Variants in KIRREL1 observed in about 807,000 individuals in gnomAD.
KIRREL1 encodes kin of IRRE-like protein 1.
In KIRREL1, 25 loss-of-function variants were observed where a neutral mutation model predicts 83.3. The observed-to-expected ratio is 0.30, with a 90% CI of 0.22 to 0.42. The LOEUF (loss-of-function observed/expected upper bound fraction) is 0.42. KIRREL1 is among the 10% of genes least tolerant of loss of function. The pLI, the probability that KIRREL1 is intolerant of heterozygous loss-of-function variation, is 1.00. For synonymous variants in KIRREL1, 388 were observed against 410.4 expected, an observed-to-expected ratio of 0.95 and a Z score of 0.66; for missense variants, 812 against 1,032.3, an observed-to-expected ratio of 0.79 and a Z score of 2.92.
At chr1:157,994,363 C>T (rs143417426) in intron 1 of KIRREL1, among the ~76,000 whole-genome samples, 2,434 of 146,712 alleles carry the variant, frequency 0.017, 68 homozygotes, top group African/African-American at 0.059. Context: ...GTTCCACATA[C>T]AGCTTCAGGC....
At position 158,097,020 on chromosome 1, in the gene KIRREL1, G is replaced by A. The variant is rs140868501; in HGVS notation, c.*1900G>A. ...GGAAGGACCAGATAATACCCAGGAA[G>A]CAAGTAGCTCTAATTTTAACTTCAC... is the stretch of plus-strand genomic sequence containing the variant. On this transcript the variant is annotated 3_prime_UTR_variant, in exon 15 of 15. Transcript: ENST00000359209. The A allele has an allele frequency of 1.5e-4, 70 of 456,942 alleles. No individual in the cohort carries two copies. The Admixed American group carries it at 1.6e-3, about 11-fold the overall frequency. The allele number at this position is 456,942 out of a possible 1,614,324, so 28.3% of individuals were successfully genotyped here. A position where few individuals can be genotyped will look rare whatever the true frequency, so the allele number is the denominator to read the frequency against.
At chr1:158,047,800 C>G (rs1660814612) in intron 1 of KIRREL1, among the ~76,000 whole-genome samples, 1 of 152,184 alleles carries the variant, frequency 6.6e-6, no homozygotes, top group African/African-American at 2.4e-5. Context: ...GAAATGCTGA[C>G]TATAATTTGC....
intron 1 of KIRREL1, among the ~76,000 whole-genome samples, chr1:158,004,227 A>G (rs1216607055): frequency 1.3e-5 from 2 of 152,258 alleles, no homozygotes; most frequent in African/African-American, 4.8e-5. Flanking sequence ...CTGAAATACA[A>G]TAAGTACTCA....
At chr1:158,015,380 G>T (rs1659801407) in intron 1 of KIRREL1, among the ~76,000 whole-genome samples, 2 of 152,166 alleles carry the variant, frequency 1.3e-5, no homozygotes, top group Non-Finnish European at 2.9e-5. Flanking sequence ...CCTTCCTGCA[G>T]ATACTCTCAA....
intron 4 of KIRREL1, among the ~76,000 whole-genome samples, 173 bp from the exon 5 acceptor site, chr1:158,086,423 A>AACACAC (rs61585802): frequency 0.026 from 3,876 of 148,326 alleles, 83 homozygotes; most frequent in African/African-American, 0.059. Context: ...CTATTGATTA[A>AACACAC]ACACACACAC....
chr1:158,084,422 TC>T lies in KIRREL1; in HGVS notation c.359del (p.Pro120GlnfsTer11). On this transcript the variant is annotated frameshift_variant and splice_region_variant, in exon 4 of 15. Transcript: ENST00000359209. LOFTEE classifies it high-confidence loss of function. Reference sequence around the variant, plus strand: ...GACTTTGCTCTGCTTTCTCCCACAGTCCCCCCAGAGGACACCAGGATTGACG... The same window carrying T: ...GACTTTGCTCTGCTTTCTCCCACAGTCCCCCAGAGGACACCAGGATTGACG... ...RSRRAKLTVL[I>X]PPEDTRIDGG... is the part of the protein sequence containing the mutation. 1 of 1,548,554 alleles carries T rather than the reference TC, an allele frequency of 6.5e-7. No individual in the cohort carries two copies. Among genetic ancestry groups the T allele is most frequent in the Non-Finnish European group, 8.7e-7 (1 of 1,145,290 alleles).
At chr1:158,015,334 C>G (rs1444411499) in intron 1 of KIRREL1, among the ~76,000 whole-genome samples, 1 of 152,178 alleles carries the variant, frequency 6.6e-6, no homozygotes, top group Non-Finnish European at 1.5e-5. Flanking sequence ...GCAGCACTCC[C>G]TCGCTCCTGC....
chr1:158,026,514 G>T (rs1350652728), intron 1 of KIRREL1, among the ~76,000 whole-genome samples: 1 of 152,148 alleles, frequency 6.6e-6, no homozygotes, highest in East Asian at 1.9e-4. Context: ...AAACAACATG[G>T]TTTTGAAGGG....
intron 1 of KIRREL1, among the ~76,000 whole-genome samples, chr1:158,010,606 G>A (rs1365392720): frequency 6.6e-6 from 1 of 152,164 alleles, no homozygotes; most frequent in Non-Finnish European, 1.5e-5. Context: ...CTATGAAAAG[G>A]TTTTGCTGAA....
chr1:157,996,850 C>A (rs1659219554), intron 1 of KIRREL1, among the ~76,000 whole-genome samples: 1 of 152,162 alleles, frequency 6.6e-6, no homozygotes, highest in Admixed American at 6.5e-5. Context: ...GGGTGTGAAC[C>A]AAGTACTCAG....
At chr1:158,008,935 A>G (rs563250982) in intron 1 of KIRREL1, among the ~76,000 whole-genome samples, 1 of 152,066 alleles carries the variant, frequency 6.6e-6, no homozygotes, top group African/African-American at 2.4e-5. Flanking sequence ...AGGGGACACC[A>G]TTCCTGCTGG....
chr1:158,077,278 A>G (rs1279306132), intron 2 of KIRREL1, among the ~76,000 whole-genome samples: 1 of 152,172 alleles, frequency 6.6e-6, no homozygotes, highest in Admixed American at 6.5e-5. Context: ...TCTATTGATG[A>G]TAGAAAGAGA....
At chr1:158,050,456 TC>T (rs946735524) in intron 1 of KIRREL1, among the ~76,000 whole-genome samples, 18 of 151,876 alleles carry the variant, frequency 1.2e-4, no homozygotes, top group Non-Finnish European at 2.2e-4. Context: ...CTATTTTCAC[TC>T]CCCCCTTTCC....
intron 1 of KIRREL1, among the ~76,000 whole-genome samples, chr1:158,048,630 C>G (rs144804414): frequency 1.3e-5 from 2 of 152,178 alleles, no homozygotes; most frequent in Non-Finnish European, 2.9e-5. Context: ...AGTGAAACAC[C>G]TACGAAGGAA....
intron 1 of KIRREL1, among the ~76,000 whole-genome samples, chr1:158,075,207 G>A: frequency 6.6e-6 from 1 of 152,264 alleles, no homozygotes; most frequent in Non-Finnish European, 1.5e-5. Context: ...AACCCGCAAT[G>A]CAATTCCCTG....
intron 11 of KIRREL1, 116 bp from the exon 12 acceptor site, chr1:158,093,223 C>T (rs2101647106): frequency 2.0e-5 from 16 of 810,326 alleles, no homozygotes; most frequent in Non-Finnish European, 3.4e-5. Flanking sequence ...AAAACTTAGC[C>T]CTGTACACAA....
chr1:158,017,083 G>A (rs1192292053), intron 1 of KIRREL1, among the ~76,000 whole-genome samples: 1 of 152,174 alleles, frequency 6.6e-6, no homozygotes, highest in African/African-American at 2.4e-5. Context: ...GCACTGTTAG[G>A]TGCTCTGGAT....
rs750816379 is a variant in KIRREL1 at position 158,095,392 on chromosome 1, G to T, written c.*272G>T. ...CTTGCCTGACCCTAGAATGGGGACA[G>T]GGAAAGTGAAGGTTAGGGAAAGCAG... is the stretch of plus-strand genomic sequence containing the variant. On this transcript the variant is annotated 3_prime_UTR_variant, in exon 15 of 15. Transcript: ENST00000359209. 44 of 383,848 alleles carry T rather than the reference G, an allele frequency of 1.1e-4. No homozygotes were observed. Among genetic ancestry groups the T allele is most frequent in the Non-Finnish European group, 2.0e-4 (42 of 214,592 alleles). The allele number at this position is 383,848 out of a possible 1,614,324, so 23.8% of individuals were successfully genotyped here. A position where few individuals can be genotyped will look rare whatever the true frequency, so the allele number is the denominator to read the frequency against.
chr1:158,019,300 GA>G (rs1050957559), intron 1 of KIRREL1, among the ~76,000 whole-genome samples: 1 of 151,410 alleles, frequency 6.6e-6, no homozygotes, highest in East Asian at 1.9e-4. Flanking sequence ...AGGGAAGGTG[GA>G]AAAAAAAGGC....
Sources: gnomAD v4.1 joint callset for allele counts (sites outside exome capture counted in the v4.1 genomes callset) on GRCh38, gnomAD v4.1.1 for gene constraint, MANE v1.5 for transcripts, NCBI Gene and HGNC (gene_info 2026-07-23, HGNC 2026-07-21) for gene names.